KRABD3: variants seen among roughly 807,000 people sequenced by gnomAD.
KRABD3 encodes KRAB domain containing 3.
chr7:149,720,774 C>G, the KRABD3 span: 81 of 1,486,738 alleles, frequency 5.4e-5, 1 homozygote, highest in African/African-American at 8.7e-4. Context: ...AAAACACGCA[C>G]GTAGGTGTGA....
At chr7:149,715,135 TG>T in the KRABD3 span, 2 of 1,230,424 alleles carry the variant, frequency 1.6e-6, no homozygotes, top group Non-Finnish European at 2.0e-6. Context: ...GAGAAAGAGC[TG>T]GGACCCCCCC....
At chr7:149,726,700 A>T in the KRABD3 span, among the ~76,000 whole-genome samples, 1 of 151,966 alleles carries the variant, frequency 6.6e-6, no homozygotes, top group Non-Finnish European at 1.5e-5. Context: ...AGCCTCCCAA[A>T]GTGCTGGGAT....
the KRABD3 span, chr7:149,729,815 G>T: frequency 1.6e-5 from 16 of 985,402 alleles, no homozygotes; most frequent in Non-Finnish European, 1.9e-5. Context: ...GAGATACTGG[G>T]GTGCAGGGAT....
chr7:149,734,218 C>T, the KRABD3 span: 13 of 864,920 alleles, frequency 1.5e-5, no homozygotes, highest in South Asian at 1.5e-4. Flanking sequence ...GTGCTGTTTG[C>T]TCAGGAGGCT....
chr7:149,721,726 A>C, the KRABD3 span: 1 of 741,856 alleles, frequency 1.3e-6, no homozygotes, highest in African/African-American at 1.7e-5. Flanking sequence ...ACCACCAAAG[A>C]GGAGGCATGA....
the KRABD3 span, chr7:149,719,426 C>T: frequency 1.7e-5 from 18 of 1,039,778 alleles, no homozygotes; most frequent in Non-Finnish European, 2.4e-5. This position sits in a 1 kb window ranked among gnomAD's most constrained non-coding sequence, Gnocchi z 5.6. Flanking sequence ...GCATGTCAGA[C>T]CCTGGCTATT....
chr7:149,728,526 G>T, the KRABD3 span: 1 of 1,613,122 alleles, frequency 6.2e-7, no homozygotes, highest in South Asian at 1.1e-5. Context: ...TTCACAGGAA[G>T]CCCACCAGGA....
At chr7:149,726,058 A>G in the KRABD3 span, 1 of 1,610,452 alleles carries the variant, frequency 6.2e-7, no homozygotes, top group East Asian at 2.2e-5. Context: ...CATCCTGGAA[A>G]AGGTGAGCTG....
At chr7:149,722,337 G>A in the KRABD3 span, 25 of 1,548,282 alleles carry the variant, frequency 1.6e-5, no homozygotes, top group Non-Finnish European at 2.2e-5. Context: ...GGAGAGGGCT[G>A]TCCTCTATGG....
chr7:149,725,247 G>A, the KRABD3 span: 1 of 1,454,036 alleles, frequency 6.9e-7, no homozygotes, highest in East Asian at 2.5e-5. Context: ...GGTAGAGCCA[G>A]CCAGGGGTCT....
the KRABD3 span, among the ~76,000 whole-genome samples, chr7:149,717,477 G>A: frequency 6.6e-6 from 1 of 152,260 alleles, no homozygotes; most frequent in Admixed American, 6.5e-5. Context: ...ATGCTAGGAA[G>A]AAATGTAAAT....
At chr7:149,733,262 C>A in the KRABD3 span, 2 of 1,612,124 alleles carry the variant, frequency 1.2e-6, no homozygotes, top group Non-Finnish European at 1.7e-6. Flanking sequence ...CAGTGAGTCT[C>A]CCCCTCCGGA....
At chr7:149,729,141 C>T in the KRABD3 span, 581,142 of 1,387,076 alleles carry the variant, frequency 0.42, 126,465 homozygotes, top group Non-Finnish European at 0.45. Flanking sequence ...TGTGGCAGCA[C>T]GAGGCCCCGT....
At chr7:149,731,731 G>T in the KRABD3 span, 4 of 1,612,412 alleles carry the variant, frequency 2.5e-6, no homozygotes, top group Non-Finnish European at 3.4e-6. Context: ...GGTTAGTGAA[G>T]CATCCAGAGG....
chr7:149,728,949 C>A, the KRABD3 span, among the ~76,000 whole-genome samples: 5 of 152,360 alleles, frequency 3.3e-5, no homozygotes, highest in East Asian at 9.7e-4. Flanking sequence ...GCCAGCCCCA[C>A]GAGCCTTGGT....
the KRABD3 span, chr7:149,725,958 G>T: frequency 1.9e-6 from 3 of 1,604,196 alleles, no homozygotes; most frequent in Non-Finnish European, 8.5e-7. Context: ...CAGGCCCCTG[G>T]CCCCCCGAGG....
the KRABD3 span, chr7:149,733,219 G>A: frequency 1.2e-6 from 2 of 1,604,432 alleles, no homozygotes; most frequent in Non-Finnish European, 1.7e-6. Flanking sequence ...AGACCCATGA[G>A]AGGCTGCTCC....
the KRABD3 span, chr7:149,729,656 G>C: frequency 3.0e-6 from 3 of 985,464 alleles, no homozygotes; most frequent in East Asian, 2.3e-4. Context: ...CACTGCTGCT[G>C]CTTGGTTTAA....
chr7:149,724,643 C>T, the KRABD3 span: 2 of 1,511,232 alleles, frequency 1.3e-6, no homozygotes, highest in Admixed American at 2.1e-5. Context: ...CAATGGCCTC[C>T]TCCCGCAGGG....
Sources: gnomAD v4.1 joint callset for allele counts (sites outside exome capture counted in the v4.1 genomes callset) on GRCh38, gnomAD v4.1.1 for gene constraint, Gnocchi (gnomAD v3.1) non-coding constraint, MANE v1.5 for transcripts, NCBI Gene and HGNC (gene_info 2026-07-23, HGNC 2026-07-21) for gene names.